The following KCNK4 variants were observed in gnomAD, a reference collection of about 807,000 sequenced individuals.
KCNK4 encodes potassium channel subfamily K member 4.
KCNK4 carries 22 observed loss-of-function variants against 28.8 expected under a neutral mutation model. That is an observed-to-expected ratio of 0.76 (90% CI 0.55 to 1.09). The LOEUF (loss-of-function observed/expected upper bound fraction) is 1.09, where lower values mean the gene tolerates loss of function less well. Among genes scored for constraint, KCNK4 ranks in the 50% least tolerant of loss-of-function variants. The pLI is 0.00. For synonymous variants in KCNK4, 263 were observed against 252.9 expected (o/e 1.04, Z -0.38); for missense variants, 483 against 546.3 (o/e 0.88, Z 1.15).
At position 64,299,542 on chromosome 11, in the gene KCNK4, C is replaced by A; in HGVS notation, c.998C>A (p.Thr333Lys). The A allele has an allele frequency of 6.2e-7, 1 of 1,609,970 alleles. No homozygotes were observed. Residue 333 changes from threonine (T) to lysine (K), a missense_variant, in exon 7 of 7, where the codon ACG becomes AAG. Coordinates refer to ENST00000422670, the MANE Select transcript of KCNK4 (RefSeq NM_033310.3). The part of the protein sequence containing the change: ...PEKAQPPSPP[T>K]ASALDYPSEN... ...AAGGCTCAGCCGCCTTCCCCGCCCACGGCCTCGGCCCTGGATTATCCCAGC... is the reference window on the plus strand; with the variant it reads ...AAGGCTCAGCCGCCTTCCCCGCCCAAGGCCTCGGCCCTGGATTATCCCAGC...
In KCNK4 at chr11:64,299,856, G is replaced by C. The variant is rs1055267596; in HGVS notation, c.*130G>C. 6.6e-7 allele frequency: 1 copy of C among 1,508,526 alleles called. No individual in the cohort carries two copies. Among genetic ancestry groups the C allele is most frequent in the African/African-American group, 1.4e-5 (1 of 72,392 alleles). The allele number at this position is 1,508,526 out of a possible 1,614,324, so 93.4% of individuals were successfully genotyped here. A position where few individuals can be genotyped will look rare whatever the true frequency, so the allele number is the denominator to read the frequency against. On this transcript the variant is annotated 3_prime_UTR_variant, in exon 7 of 7. Transcript: ENST00000422670. ...GGGAGGAGGCTACAGTTGCCTCTCC[G>C]CCTCCTCCCTGGCCCCGGCCCTTCC...
In KCNK4 at chr11:64,297,269, C is replaced by G; in HGVS notation, c.464C>G (p.Ala155Gly). 1.2e-6 allele frequency: 2 copies of G among 1,612,138 alleles called. No homozygotes were observed. The highest frequency in any genetic ancestry group is 2.2e-5 in the South Asian group (2 of 90,876). The change falls in exon 4 of 7, where the codon GCC becomes GGC. Residue 155 changes from alanine to glycine, a missense_variant. Ala to Gly is a moderately conservative substitution (Grantham distance 60). Coordinates refer to ENST00000422670, the MANE Select transcript of KCNK4 (RefSeq NM_033310.3). ...SLRHGIGHIE[A>G]IFLKWHVPPE... ...CGCCATGGCATCGGTCACATTGAAGCCATCTTCTTGGTGAGCTGCTCCATG... is the reference window on the plus strand; with the variant it reads ...CGCCATGGCATCGGTCACATTGAAGGCATCTTCTTGGTGAGCTGCTCCATG...
chr11:64,297,704 CA>C (rs771706336), intron 5 of KCNK4, 51 bp downstream of exon 5: 5 of 1,561,118 alleles, frequency 3.2e-6, no homozygotes, highest in Non-Finnish European at 4.4e-6. Flanking sequence ...TATTCCTGAT[CA>C]GGGGCTCTGC....
At position 64,298,181 on chromosome 11, in the gene KCNK4, T is replaced by A. The variant is rs1414621450; in HGVS notation, c.733T>A (p.Tyr245Asn). 1.9e-6 allele frequency: 3 copies of A among 1,613,742 alleles called. No individual in the cohort carries two copies. The highest frequency in any genetic ancestry group is 2.5e-6 in the Non-Finnish European group (3 of 1,180,046). Reference protein sequence around the residue: ...VWFWILLGLAYFASVLTTIGN... With the variant: ...VWFWILLGLANFASVLTTIGN... ...GTTCTGGATCCTGCTCGGCCTGGCT[T>A]ACTTCGCCTCAGTGCTCACCACCAT... The change falls in exon 6 of 7, where the codon TAC becomes AAC. Residue 245 changes from tyrosine to asparagine, a missense_variant. By Grantham distance (143) the Tyr-to-Asn change is moderately radical. Coordinates refer to ENST00000422670, the MANE Select transcript of KCNK4 (RefSeq NM_033310.3).
chr11:64,293,165 C>G lies in KCNK4; in HGVS notation c.147C>G (p.Ala49=), dbSNP rs2034682349. The G allele has an allele frequency of 1.3e-6, 2 of 1,522,108 alleles. No homozygotes were observed. The highest frequency in any genetic ancestry group is 2.5e-5 in the East Asian group (1 of 39,916). 94.3% of individuals were successfully genotyped at this position (1,522,108 alleles called of 1,614,324 possible). A position where few individuals can be genotyped will look rare whatever the true frequency, so the allele number is the denominator to read the frequency against. ...LGEVREKFLR[A]HPCVSDQELG... is the part of the protein sequence containing the mutation. The stretch of plus-strand genomic sequence containing the variant: ...AGGTCCGAGAGAAGTTCCTGAGGGC[C>G]CATCCGTGTGTGAGCGACCAGGAGC... The change falls in exon 2 of 7, where the codon GCC becomes GCG. Residue 49 remains alanine, a synonymous_variant. Transcript: ENST00000422670.
At position 64,291,876 on chromosome 11, in the gene KCNK4, C is replaced by T. The variant is rs1317165733; in HGVS notation, c.-78+310C>T. 1.8e-5 allele frequency: 5 copies of T among 280,472 alleles called. No individual in the cohort carries two copies. In the East Asian group the frequency reaches 8.1e-4, roughly 45 times the overall value. The allele number at this position is 280,472 out of a possible 1,614,324, so 17.4% of individuals were successfully genotyped here. ...GGCCGGGCGGGGTGCCCACCTCTCG[C>T]GCGTGGGCGCCTCCGGGAGTGGTGT... On this transcript the variant is annotated intron_variant, in intron 1 of 6. Transcript: ENST00000422670.
chr11:64,298,220 C>T lies in KCNK4; in HGVS notation c.772C>T (p.Arg258Ter), dbSNP rs757035806. 7 of 1,612,848 alleles carry T rather than the reference C, an allele frequency of 4.3e-6. No homozygotes were observed. The highest frequency in any genetic ancestry group is 4.0e-5 in the African/African-American group (3 of 74,920). ...GCTCACCACCATCGGGAACTGGCTGCGAGTAGTGTCCCGCCGCACTCGGGC... is the reference window on the plus strand; with the variant it reads ...GCTCACCACCATCGGGAACTGGCTGTGAGTAGTGTCCCGCCGCACTCGGGC... ...SVLTTIGNWL[R>*]VVSRRTRAEM... The change falls in exon 6 of 7, where the codon CGA becomes TGA. Residue 258 changes from arginine (R) to a stop codon, truncating the protein, a stop_gained. Coordinates refer to ENST00000422670, the MANE Select transcript of KCNK4 (RefSeq NM_033310.3). LOFTEE classifies it low-confidence loss of function (END_TRUNC).
Position 64,293,050 on chromosome 11 carries a change from C to CGCTG in KCNK4, c.34_37dup (p.Val13AlafsTer56). On this transcript the variant is annotated frameshift_variant, in exon 2 of 7. Coordinates refer to ENST00000422670, the MANE Select transcript of KCNK4 (RefSeq NM_033310.3). LOFTEE classifies it high-confidence loss of function. Reference sequence around the variant, plus strand: ...AGCACCACGCTCCTGGCCCTGCTGGCGCTGGTCTTGCTTTACTTGGTGTCT... The same window carrying CGCTG: ...AGCACCACGCTCCTGGCCCTGCTGGCGCTGGCTGGTCTTGCTTTACTTGGTGTCT... 1 of 1,548,236 alleles carries CGCTG rather than the reference C, an allele frequency of 6.5e-7. No homozygotes were observed.
chr11:64,294,586 G>T (rs2034720320), intron 2 of KCNK4, among the ~76,000 whole-genome samples: 1 of 151,032 alleles, frequency 6.6e-6, no homozygotes, highest in Non-Finnish European at 1.5e-5. Flanking sequence ...AGGCACGTCT[G>T]TTACTTTTTC....
At chr11:64,297,989 A>G in intron 5 of KCNK4, 121 bp from the exon 6 acceptor site, 11 of 1,186,024 alleles carry the variant, frequency 9.3e-6, no homozygotes, top group Non-Finnish European at 1.3e-5. Context: ...ACACTCAAGC[A>G]CATACCCATT....
At chr11:64,296,819 G>T in intron 2 of KCNK4, 59 bp from the exon 3 acceptor site, 1 of 1,467,194 alleles carries the variant, frequency 6.8e-7, no homozygotes, top group South Asian at 1.6e-5. Flanking sequence ...GAGGGGCCAC[G>T]AGTTGCCCTA....
intron 5 of KCNK4, 77 bp downstream of exon 5, chr11:64,297,730 C>T (rs1397757076): frequency 6.9e-7 from 1 of 1,459,052 alleles, no homozygotes; most frequent in Non-Finnish European, 9.3e-7. Flanking sequence ...CTGCCTTTCC[C>T]TCCAGATCCC....
Position 64,299,603 on chromosome 11 carries a change from G to A in KCNK4, c.1059G>A (p.Thr353=). The change falls in exon 7 of 7, where the codon ACG becomes ACA. Residue 353 remains threonine, a synonymous_variant. Transcript: ENST00000422670. Reference sequence around the variant, plus strand: ...CCTTCATCGACGAGTCCTCGGATACGCAGAGCGAGCGCGGCTGCCCGCTGC... The same window carrying A: ...CCTTCATCGACGAGTCCTCGGATACACAGAGCGAGCGCGGCTGCCCGCTGC... ...NLAFIDESSD[T]QSERGCPLPR... 6.2e-7 allele frequency: 1 copy of A among 1,609,470 alleles called. No homozygotes were observed. Among genetic ancestry groups the A allele is most frequent in the Non-Finnish European group, 8.5e-7 (1 of 1,178,498 alleles).
chr11:64,296,602 C>G (rs1252088482), intron 2 of KCNK4, among the ~76,000 whole-genome samples: 1 of 152,090 alleles, frequency 6.6e-6, no homozygotes, highest in East Asian at 1.9e-4. Flanking sequence ...GGTCTGTGCT[C>G]CTGACCATGG....
At position 64,297,121 on chromosome 11, in the gene KCNK4, T is replaced by A. The variant is rs1224547870; in HGVS notation, c.316T>A (p.Tyr106Asn). 4 of 1,614,158 alleles carry A rather than the reference T, an allele frequency of 2.5e-6. No individual in the cohort carries two copies. The South Asian group carries it at 4.4e-5, about 18-fold the overall frequency. Residue 106 changes from tyrosine (Y) to asparagine (N), a missense_variant and splice_region_variant, in exon 4 of 7, where the codon TAT (tyrosine) becomes AAT (asparagine). By Grantham distance (143) the Tyr-to-Asn change is moderately radical. Coordinates refer to ENST00000422670, the MANE Select transcript of KCNK4 (RefSeq NM_033310.3). ...TCCTGCATCGCCCCTCTGCCCAGGC[T>A]ATGGCAATGTGGCCCTGCGCACAGA... ...FSGTIITTIG[Y>N]GNVALRTDAG...
rs1001907775 is a variant in KCNK4 at position 64,299,628 on chromosome 11, C to T, written c.1084C>T (p.Pro362Ser). 1.2e-6 allele frequency: 2 copies of T among 1,608,032 alleles called. No individual in the cohort carries two copies. The highest frequency in any genetic ancestry group is 8.5e-7 in the Non-Finnish European group (1 of 1,177,794). Reference sequence around the variant, plus strand: ...GCAGAGCGAGCGCGGCTGCCCGCTGCCCCGCGCGCCGAGAGGTCGCCGCCG... The same window carrying T: ...GCAGAGCGAGCGCGGCTGCCCGCTGTCCCGCGCGCCGAGAGGTCGCCGCCG... Reference protein sequence around the residue: ...DTQSERGCPLPRAPRGRRRPN... With the variant: ...DTQSERGCPLSRAPRGRRRPN... The change falls in exon 7 of 7, where the codon CCC (proline) becomes TCC (serine). Residue 362 changes from proline (P) to serine (S), a missense_variant. By Grantham distance (74) the Pro-to-Ser change is moderately conservative. Coordinates refer to ENST00000422670, the MANE Select transcript of KCNK4 (RefSeq NM_033310.3).
At chr11:64,293,340 G>C in intron 2 of KCNK4, 133 bp downstream of exon 2, 2 of 1,010,022 alleles carry the variant, frequency 2.0e-6, no homozygotes, top group Non-Finnish European at 2.7e-6. Context: ...GAGGCTGTGG[G>C]ACAGAGGCTG....
intron 6 of KCNK4, 95 bp downstream of exon 6, chr11:64,298,344 C>T (rs940707588): frequency 1.1e-5 from 17 of 1,488,364 alleles, no homozygotes; most frequent in Admixed American, 1.8e-5. Context: ...CTATCCAGGG[C>T]GTGGGCTCCT....
chr11:64,299,493 C>G lies in KCNK4; in HGVS notation c.949C>G (p.Pro317Ala). 2 of 1,607,912 alleles carry G rather than the reference C, an allele frequency of 1.2e-6. No homozygotes were observed. The highest frequency in any genetic ancestry group is 1.7e-6 in the Non-Finnish European group (2 of 1,178,270). Residue 317 changes from proline (P) to alanine (A), a missense_variant, in exon 7 of 7, where the codon CCC (proline) becomes GCC (alanine). Pro to Ala is a conservative substitution (Grantham distance 27). Transcript: ENST00000422670. ...PPCPAQPLGR[P>A]RSPSPPEKAQ... ...CTGTCCAGCGCAGCCGCTGGGCAGG[C>G]CCCGATCCCCTTCGCCCCCCGAGAA...
Sources: gnomAD v4.1 joint callset for allele counts (sites outside exome capture counted in the v4.1 genomes callset) on GRCh38, gnomAD v4.1.1 for gene constraint, MANE v1.5 for transcripts, NCBI Gene and HGNC (gene_info 2026-07-23, HGNC 2026-07-21) for gene names.